Variants in NLRC5 observed in about 807,000 individuals in gnomAD.
The protein encoded by NLRC5 is protein NLRC5.
Under a neutral mutation model 206.9 loss-of-function variants are expected in NLRC5, and 114 were observed. That is an observed-to-expected ratio of 0.55 (90% CI 0.47 to 0.64). The LOEUF is 0.64. Among genes scored for constraint, NLRC5 ranks in the 30% least tolerant of loss-of-function variants. The probability of loss-of-function intolerance (pLI) is 0.00; values close to 1 mark genes in which losing one functional copy is unlikely to be tolerated. For missense variants in NLRC5, 2,008 were observed against 2,305.5 expected (o/e 0.87, Z 2.64); for synonymous variants, 952 against 962.8 (o/e 0.99, Z 0.21).
At chr16:57,035,789 G>C (rs769845932) in intron 13 of NLRC5, among the ~76,000 whole-genome samples, 19 of 152,168 alleles carry the variant, frequency 1.2e-4, no homozygotes, top group Admixed American at 6.5e-5. Flanking sequence ...TCAAATCCAG[G>C]TTCTCCCTCG....
In NLRC5 at chr16:57,030,067, C is replaced by T. The variant is rs558967131; in HGVS notation, c.2400C>T (p.Val800=). Residue 800 remains valine (V), a synonymous_variant, in exon 10 of 49, where the codon GTC becomes GTT. Transcript: ENST00000688547. ...GGGTGGCAGTCACGTGTCCTACCGTCAGGATGCTTCAGGCCAGGTGAGCAG... is the reference window on the plus strand; with the variant it reads ...GGGTGGCAGTCACGTGTCCTACCGTTAGGATGCTTCAGGCCAGGTGAGCAG... ...LARVAVTCPT[V]RMLQAREADL... 1.2e-6 allele frequency: 2 copies of T among 1,614,034 alleles called. No individual in the cohort carries two copies. The highest frequency in any genetic ancestry group is 2.7e-5 in the African/African-American group (2 of 75,026).
rs1263978161 is a variant in NLRC5 at position 57,055,472 on chromosome 16, G to A, written c.3699G>A (p.Glu1233=). The change falls in exon 27 of 49, where the codon GAG becomes GAA. Residue 1233 remains glutamate (E), a synonymous_variant. Coordinates refer to ENST00000688547, the MANE Select transcript of NLRC5 (RefSeq NM_001384950.1). The stretch of plus-strand genomic sequence containing the variant: ...GCAGCCTCAGCCAGGAGCACGTAGA[G>A]TCACTCTGCTGGTTGCTGAGCAAGT... ...TGCSLSQEHV[E]SLCWLLSKCK... is the part of the protein sequence containing the mutation. 1.2e-6 allele frequency: 2 copies of A among 1,613,992 alleles called. No homozygotes were observed. Among genetic ancestry groups the A allele is most frequent in the African/African-American group, 2.7e-5 (2 of 75,022 alleles).
chr16:57,022,328 G>A lies in NLRC5; in HGVS notation c.355+13G>A. The stretch of plus-strand genomic sequence containing the variant: ...CAGCTCCACCATGGTGAGGACTGGA[G>A]TTGGGGGGTGGGAAGGGGGTGGTGA... On this transcript the variant is annotated intron_variant, in intron 4 of 48. Coordinates refer to ENST00000688547, the MANE Select transcript of NLRC5 (RefSeq NM_001384950.1). 6.2e-7 allele frequency: 1 copy of A among 1,604,898 alleles called. No individual in the cohort carries two copies. The highest frequency in any genetic ancestry group is 8.5e-7 in the Non-Finnish European group (1 of 1,172,458).
intron 24 of NLRC5, among the ~76,000 whole-genome samples, 178 bp from the exon 25 acceptor site, chr16:57,054,573 G>A (rs1449321488): frequency 6.6e-6 from 1 of 152,078 alleles, no homozygotes; most frequent in African/African-American, 2.4e-5. Context: ...AAGCAGAACT[G>A]GGACTCAAAT....
intron 1 of NLRC5, among the ~76,000 whole-genome samples, chr16:57,015,925 C>CA (rs35216159): frequency 0.31 from 12,126 of 39,562 alleles, 1,282 homozygotes; most frequent in Non-Finnish European, 0.37. Context: ...AACTCCATCT[C>CA]AAAAAAAAAA....
At chr16:57,011,591 G>A (rs1353661824) in intron 1 of NLRC5, among the ~76,000 whole-genome samples, 1 of 151,936 alleles carries the variant, frequency 6.6e-6, no homozygotes, top group Non-Finnish European at 1.5e-5. Flanking sequence ...GCATGGTGGA[G>A]TGTGCCTGTT....
chr16:57,033,003 A>C (rs1337717837), intron 11 of NLRC5, among the ~76,000 whole-genome samples: 1 of 152,026 alleles, frequency 6.6e-6, no homozygotes, highest in African/African-American at 2.4e-5. Flanking sequence ...TCTCTAAAAA[A>C]AAAAAAATGG....
chr16:57,011,368 G>A (rs4783965), intron 1 of NLRC5, among the ~76,000 whole-genome samples: 28,391 of 149,578 alleles, frequency 0.19, 3,237 homozygotes, highest in Non-Finnish European at 0.26. Flanking sequence ...AGCTGAGATC[G>A]TGCCACTACA....
chr16:57,082,344 G>A, intron 48 of NLRC5, 73 bp from the exon 49 acceptor site: 1 of 1,249,468 alleles, frequency 8.0e-7, no homozygotes, highest in Non-Finnish European at 1.1e-6. Flanking sequence ...TTGGGCCTCA[G>A]CCTCCCAATC....
At chr16:57,059,632 T>C in intron 30 of NLRC5, 100 bp downstream of exon 30, 1 of 1,140,842 alleles carries the variant, frequency 8.8e-7, no homozygotes, top group Non-Finnish European at 1.2e-6. Context: ...CCTCTCCTCC[T>C]TTAGAGAGCA....
Position 57,026,107 on chromosome 16 carries a change from G to A in NLRC5, c.1164G>A (p.Gly388=). The A allele has an allele frequency of 1.2e-6, 2 of 1,614,132 alleles. No homozygotes were observed. The highest frequency in any genetic ancestry group is 1.7e-6 in the Non-Finnish European group (2 of 1,180,048). Residue 388 remains glycine (G), a synonymous_variant, in exon 6 of 49, where the codon GGG becomes GGA. Coordinates refer to ENST00000688547, the MANE Select transcript of NLRC5 (RefSeq NM_001384950.1). ...HFFSAQPSRE[G]ALVELQTNGR... is the part of the protein sequence containing the mutation. ...TCAGCGCCCAGCCATCGCGGGAGGGGGCCCTGGTGGAGTTACAGACAAATG... is the reference window on the plus strand; with the variant it reads ...TCAGCGCCCAGCCATCGCGGGAGGGAGCCCTGGTGGAGTTACAGACAAATG...
intron 1 of NLRC5, 78 bp from the exon 2 acceptor site, chr16:57,016,996 A>C (rs1444975970): frequency 1.3e-5 from 2 of 152,978 alleles, no homozygotes; most frequent in Non-Finnish European, 2.9e-5. Context: ...GGCAGGGGCA[A>C]GGGCTGGTGC....
At chr16:57,071,050 G>T (rs2067653650) in intron 38 of NLRC5, among the ~76,000 whole-genome samples, 1 of 117,658 alleles carries the variant, frequency 8.5e-6, no homozygotes, top group Non-Finnish European at 1.8e-5. Flanking sequence ...GTGAGTGAGT[G>T]GTGATGGTGG....
intron 5 of NLRC5, among the ~76,000 whole-genome samples, chr16:57,024,919 A>T (rs1487317423): frequency 6.6e-6 from 1 of 152,168 alleles, no homozygotes; most frequent in African/African-American, 2.4e-5. Flanking sequence ...CTGAGGCAGG[A>T]GGATCACTTG....
chr16:57,062,106 G>C lies in NLRC5; in HGVS notation c.4154+405G>C, dbSNP rs2066586664. On this transcript the variant is annotated intron_variant, in intron 32 of 48. Coordinates refer to ENST00000688547, the MANE Select transcript of NLRC5 (RefSeq NM_001384950.1). Reference sequence around the variant, plus strand: ...ACTCCTATTCCCAGAACCTAGGTTTGACAGTTGTTCATACTTTTTTTATAT... The same window carrying C: ...ACTCCTATTCCCAGAACCTAGGTTTCACAGTTGTTCATACTTTTTTTATAT... 7 of 1,133,630 alleles carry C rather than the reference G, an allele frequency of 6.2e-6. No homozygotes were observed. The South Asian group carries it at 8.1e-5, about 13-fold the overall frequency. 70.2% of individuals were successfully genotyped at this position (1,133,630 alleles called of 1,614,324 possible).
At chr16:57,047,803 C>T (rs2064203734) in intron 23 of NLRC5, 175 bp downstream of exon 23, 24 of 621,200 alleles carry the variant, frequency 3.9e-5, no homozygotes, top group Middle Eastern at 4.1e-4. Context: ...CGGCAGCCCC[C>T]AGCCTTAGGC....
chr16:56,992,759 G>A (rs550433769), intron 1 of NLRC5, among the ~76,000 whole-genome samples: 10 of 152,108 alleles, frequency 6.6e-5, no homozygotes, highest in African/African-American at 2.4e-4. Context: ...TTACAGGCAT[G>A]AGCCACCAAC....
At chr16:57,057,140 G>T (rs1473158943) in intron 27 of NLRC5, among the ~76,000 whole-genome samples, 3 of 152,194 alleles carry the variant, frequency 2.0e-5, no homozygotes, top group Non-Finnish European at 4.4e-5. Flanking sequence ...GTTAAAACTA[G>T]CTGGGCGTGG....
chr16:57,073,200 G>A (rs2067983983), intron 38 of NLRC5, among the ~76,000 whole-genome samples: 1 of 152,170 alleles, frequency 6.6e-6, no homozygotes, highest in Non-Finnish European at 1.5e-5. Flanking sequence ...GATTTCCCAG[G>A]CACCATGTGC....
Sources: gnomAD v4.1 joint callset for allele counts (sites outside exome capture counted in the v4.1 genomes callset) on GRCh38, gnomAD v4.1.1 for gene constraint, MANE v1.5 for transcripts, NCBI Gene and HGNC (gene_info 2026-07-23, HGNC 2026-07-21) for gene names.